The following LAMC3 variants were observed in gnomAD, a reference collection of about 807,000 sequenced individuals.
The protein encoded by LAMC3 is laminin subunit gamma 3.
Under a neutral mutation model 173.8 loss-of-function variants are expected in LAMC3, and 128 were observed. That is an observed-to-expected ratio of 0.74 (90% CI 0.64 to 0.85). The LOEUF (loss-of-function observed/expected upper bound fraction) is 0.85. Ranked by LOEUF, LAMC3 falls within the 40% of genes least tolerant of loss-of-function variation. The pLI, the probability that LAMC3 is intolerant of heterozygous loss-of-function variation, is 0.00. For missense variants in LAMC3, 2,022 were observed against 2,156.0 expected (o/e 0.94, Z 1.23); for synonymous variants, 897 against 909.1 (o/e 0.99, Z 0.24).
intron 8 of LAMC3, 43 bp downstream of exon 8, chr9:131,045,703 C>A (rs1834143033): frequency 6.2e-7 from 1 of 1,609,672 alleles, no homozygotes; most frequent in Non-Finnish European, 8.5e-7. Flanking sequence ...GGTCTGCTCC[C>A]AGCCTAGGCA....
intron 21 of LAMC3, 118 bp downstream of exon 21, chr9:131,076,083 G>A (rs1020268408): frequency 1.8e-5 from 19 of 1,082,818 alleles, no homozygotes; most frequent in Admixed American, 1.6e-4. Flanking sequence ...GTTCTTTGTC[G>A]TTGGTGTCTT....
At chr9:131,030,516 G>C (rs1227348961) in intron 2 of LAMC3, among the ~76,000 whole-genome samples, 1 of 152,210 alleles carries the variant, frequency 6.6e-6, no homozygotes, top group Admixed American at 6.5e-5. Flanking sequence ...CCTGGGATCA[G>C]ATAGACCAGA....
intron 27 of LAMC3, among the ~76,000 whole-genome samples, chr9:131,091,066 A>T (rs566069283): frequency 1.4e-4 from 21 of 151,942 alleles, no homozygotes; most frequent in Non-Finnish European, 3.1e-4. Context: ...ACATACAAAA[A>T]TTAGCTGGGC....
At chr9:131,043,008 T>A (rs957170117) in intron 7 of LAMC3, among the ~76,000 whole-genome samples, 7 of 152,150 alleles carry the variant, frequency 4.6e-5, no homozygotes, top group Non-Finnish European at 1.0e-4. Flanking sequence ...AACCCTCCCC[T>A]TTCACACCCA....
chr9:131,028,741 G>A (rs528383105), intron 2 of LAMC3, among the ~76,000 whole-genome samples: 38 of 152,366 alleles, frequency 2.5e-4, no homozygotes, highest in African/African-American at 8.9e-4. Context: ...ATGCAGTGGA[G>A]TCACACGCAC....
chr9:131,082,749 C>T (rs1357996480), intron 24 of LAMC3, among the ~76,000 whole-genome samples: 18 of 152,212 alleles, frequency 1.2e-4, no homozygotes, highest in Non-Finnish European at 2.6e-4. Flanking sequence ...AGAGAAGCCC[C>T]CTCACCCTTT....
chr9:131,027,928 C>T (rs1019024081), intron 2 of LAMC3, among the ~76,000 whole-genome samples: 38 of 152,258 alleles, frequency 2.5e-4, no homozygotes, highest in African/African-American at 6.5e-4. Context: ...CTATCTGTGT[C>T]CACGTTGCTG....
At chr9:131,051,365 CT>C (rs58477043) in intron 9 of LAMC3, among the ~76,000 whole-genome samples, 20,632 of 126,466 alleles carry the variant, frequency 0.16, 1,698 homozygotes, top group East Asian at 0.33. Flanking sequence ...TTTTACCATT[CT>C]TTTTTTTTTT....
chr9:131,058,886 C>T (rs964723569), intron 12 of LAMC3, among the ~76,000 whole-genome samples: 1 of 138,786 alleles, frequency 7.2e-6, no homozygotes, highest in African/African-American at 2.9e-5. Context: ...AAGAGCAAGA[C>T]TCCAGAGGAA....
At position 131,069,779 on chromosome 9, in the gene LAMC3, A is replaced by C; in HGVS notation, c.2998A>C (p.Asn1000His). The change falls in exon 17 of 28, where the codon AAC (asparagine) becomes CAC (histidine). Residue 1000 changes from asparagine to histidine, a missense_variant. Physicochemically the swap from Asn to His is moderately conservative, Grantham distance 68. Transcript: ENST00000361069. ...CTACAAATGTGACCGCTGCCACGAC[A>C]ACTTCTTCCTCACGGCAGACGGCAC... is the stretch of plus-strand genomic sequence containing the variant. ...EGYKCDRCHD[N>H]FFLTADGTHC... The C allele has an allele frequency of 6.3e-7, 1 of 1,595,890 alleles. No individual in the cohort carries two copies. Among genetic ancestry groups the C allele is most frequent in the East Asian group, 2.3e-5 (1 of 44,254 alleles).
chr9:131,064,720 A>T (rs1374541605), intron 13 of LAMC3, among the ~76,000 whole-genome samples: 1 of 150,858 alleles, frequency 6.6e-6, no homozygotes, highest in Non-Finnish European at 1.5e-5. Context: ...GCAGTGTAAA[A>T]ATGTCAAGAG....
At chr9:131,024,054 A>T (rs964679108) in intron 1 of LAMC3, among the ~76,000 whole-genome samples, 1 of 149,016 alleles carries the variant, frequency 6.7e-6, no homozygotes, top group Non-Finnish European at 1.5e-5. Context: ...TTCTTTTGTT[A>T]CCTGTGCTTT....
At position 131,067,312 on chromosome 9, in the gene LAMC3, G is replaced by C. The variant is rs570512314; in HGVS notation, c.2593+107G>C. The C allele has an allele frequency of 1.7e-5, 25 of 1,450,552 alleles. No homozygotes were observed. The East Asian group carries it at 5.5e-4, about 32-fold the overall frequency. 89.9% of individuals were successfully genotyped at this position (1,450,552 alleles called of 1,614,324 possible). On this transcript the variant is annotated intron_variant, in intron 14 of 27. Coordinates refer to ENST00000361069, the MANE Select transcript of LAMC3 (RefSeq NM_006059.4). ...GCTGAGGAACCCACCAGAACCAGCT[G>C]GCTCCTCTGCAAGGCTGTCCAGCCT... is the stretch of plus-strand genomic sequence containing the variant.
chr9:131,032,987 T>C (rs1337717819), intron 3 of LAMC3, among the ~76,000 whole-genome samples: 1 of 152,196 alleles, frequency 6.6e-6, no homozygotes, highest in East Asian at 1.9e-4. Flanking sequence ...TATAGGGGTG[T>C]TACTGGCCTA....
At chr9:131,067,336 C>T (rs915400830) in intron 14 of LAMC3, 131 bp downstream of exon 14, 1 of 1,141,490 alleles carries the variant, frequency 8.8e-7, no homozygotes, top group Non-Finnish European at 1.3e-6. Context: ...GCTGTCCAGC[C>T]TCAGGCAGGT....
intron 22 of LAMC3, among the ~76,000 whole-genome samples, chr9:131,078,737 C>T (rs957190969): frequency 6.6e-6 from 1 of 152,196 alleles, no homozygotes; most frequent in Admixed American, 6.5e-5. Flanking sequence ...GGAAGCCATC[C>T]AGCCCCCAGA....
At chr9:131,082,963 C>T (rs1472786969) in intron 24 of LAMC3, among the ~76,000 whole-genome samples, 1 of 152,236 alleles carries the variant, frequency 6.6e-6, no homozygotes, top group Non-Finnish European at 1.5e-5. Flanking sequence ...GTCAGTGCTC[C>T]TGTTCCCCAG....
rs1830319351 is a variant in LAMC3, at chr9:131,085,680, A to T, written c.4187A>T (p.Lys1396Met). 1.2e-6 allele frequency: 2 copies of T among 1,614,192 alleles called. No individual in the cohort carries two copies. The highest frequency in any genetic ancestry group is 1.7e-6 in the Non-Finnish European group (2 of 1,180,040). ...NAAPLSSSAK[K>M]KGREAEVLAK... ...GCCCCTCTTTCCTCCAGTGCCAAGAAGAAGGGCAGAGAAGCAGAGGTGTTG... is the reference window on the plus strand; with the variant it reads ...GCCCCTCTTTCCTCCAGTGCCAAGATGAAGGGCAGAGAAGCAGAGGTGTTG... Residue 1396 changes from lysine (K) to methionine (M), a missense_variant, in exon 25 of 28, where the codon AAG (lysine) becomes ATG (methionine). Lys to Met is a moderately conservative substitution (Grantham distance 95). Coordinates refer to ENST00000361069, the MANE Select transcript of LAMC3 (RefSeq NM_006059.4).
At chr9:131,012,377 T>C (rs1333307033) in intron 1 of LAMC3, among the ~76,000 whole-genome samples, 2 of 152,170 alleles carry the variant, frequency 1.3e-5, no homozygotes, top group African/African-American at 4.8e-5. Context: ...AGTCGCCACT[T>C]CCTGAGCAGC....
Sources: allele counts gnomAD v4.1 joint callset (sites outside exome capture counted in the v4.1 genomes callset), GRCh38; gene constraint gnomAD v4.1.1; transcripts MANE v1.5; gene names NCBI Gene and HGNC (gene_info 2026-07-23, HGNC 2026-07-21).